BCL2L11: variants seen among roughly 807,000 people sequenced by gnomAD.
The protein encoded by BCL2L11 is bcl-2-like protein 11.
A neutral mutation model predicts 20.6 loss-of-function variants in BCL2L11; 15 were observed. That is an observed-to-expected ratio of 0.73 (90% CI 0.49 to 1.12). The LOEUF (loss-of-function observed/expected upper bound fraction) is 1.12, where lower values mean the gene tolerates loss of function less well. Among genes scored for constraint, BCL2L11 ranks in the 50% most tolerant of loss-of-function variants. The pLI is 0.00. For missense variants in BCL2L11, 292 were observed against 260.9 expected, an observed-to-expected ratio of 1.12 and a Z score of -0.82; for synonymous variants, 108 against 92.8, an observed-to-expected ratio of 1.16 and a Z score of -0.94.
rs5833391 is a variant in BCL2L11, at chr2:111,120,979, T to TGCC, written c.-183_-181dup. On this transcript the variant is annotated 5_prime_UTR_variant, in exon 1 of 4. Coordinates refer to ENST00000393256, the MANE Select transcript of BCL2L11 (RefSeq NM_138621.5). ...GCTCTGCGTCCAGCGCCGCTGCCGCTGCCGCCGCCGCCGCCGCCGCCGCCG... is the reference window on the plus strand; with the variant it reads ...GCTCTGCGTCCAGCGCCGCTGCCGCTGCCGCCGCCGCCGCCGCCGCCGCCGCCG... 7.0e-3 allele frequency: 2,346 copies of TGCC among 335,618 alleles called. 26 individuals carry two copies. The highest frequency in any genetic ancestry group is 0.012 in the East Asian group (192 of 16,342). 20.8% of individuals were successfully genotyped at this position (335,618 alleles called of 1,614,324 possible). A position where few individuals can be genotyped will look rare whatever the true frequency, so the allele number is the denominator to read the frequency against.
rs2150141204 is a variant in BCL2L11, at chr2:111,123,894, G to A, written c.149G>A (p.Gly50Asp). 6.2e-7 allele frequency: 1 copy of A among 1,611,394 alleles called. No homozygotes were observed. Among genetic ancestry groups the A allele is most frequent in the Admixed American group, 1.7e-5 (1 of 59,508 alleles). The change falls in exon 2 of 4, where the codon GGT becomes GAT. Residue 50 changes from glycine (G) to aspartate (D), a missense_variant. Physicochemically the swap from Gly to Asp is moderately conservative, Grantham distance 94 (BLOSUM62 -1). Coordinates refer to ENST00000393256, the MANE Select transcript of BCL2L11 (RefSeq NM_138621.5). ...GGTAATCCTGAAGGCAATCACGGAG[G>A]TGAAGGGGACAGCTGCCCCCACGGC... is the stretch of plus-strand genomic sequence containing the variant. ...PQGNPEGNHG[G>D]EGDSCPHGSP...
chr2:111,143,318 C>T (rs1378527080), intron 2 of BCL2L11, among the ~76,000 whole-genome samples: 1 of 152,122 alleles, frequency 6.6e-6, no homozygotes, highest in Non-Finnish European at 1.5e-5. Flanking sequence ...ACACACTATT[C>T]AGAGCAGCGA....
rs1205858769 is a variant in BCL2L11, at chr2:111,142,285, A to G, written c.395-7759A>G. The G allele has an allele frequency of 1.9e-6, 3 of 1,539,560 alleles. No individual in the cohort carries two copies. In the African/African-American group the frequency reaches 4.1e-5, roughly 21 times the overall value. ...TGTCTGGGAAGACATGGCACAATTTATTTATACAACATTTTTATGGCTTGC... is the reference window on the plus strand; with the variant it reads ...TGTCTGGGAAGACATGGCACAATTTGTTTATACAACATTTTTATGGCTTGC... On this transcript the variant is annotated intron_variant, in intron 2 of 3. Coordinates refer to ENST00000393256, the MANE Select transcript of BCL2L11 (RefSeq NM_138621.5).
chr2:111,134,916 A>G (rs1040163312), intron 2 of BCL2L11, among the ~76,000 whole-genome samples: 2 of 152,204 alleles, frequency 1.3e-5, no homozygotes, highest in African/African-American at 4.8e-5. Context: ...TGTCATTCCT[A>G]TGTGGCTGCT....
chr2:111,150,191 C>T (rs775075260), intron 3 of BCL2L11, 44 bp downstream of exon 3: 1 of 1,596,054 alleles, frequency 6.3e-7, no homozygotes, highest in African/African-American at 1.3e-5. Context: ...ACACCCTCCC[C>T]TTCCACACTA....
At position 111,163,990 on chromosome 2, in the gene BCL2L11, CG is replaced by C. The variant is rs1342600365; in HGVS notation, c.499-142del. 5.1e-6 allele frequency: 3 copies of C among 590,980 alleles called. No individual in the cohort carries two copies. The Admixed American group carries it at 7.8e-5, about 15-fold the overall frequency. 36.6% of individuals were successfully genotyped at this position (590,980 alleles called of 1,614,324 possible). ...TTTCTTCACAATCTCTGGGAGGCAT[CG>C]TGCTTTGTGACACAGTGCTCTTGAA... On this transcript the variant is annotated intron_variant, in intron 3 of 3. Coordinates refer to ENST00000393256, the MANE Select transcript of BCL2L11 (RefSeq NM_138621.5).
intron 3 of BCL2L11, chr2:111,151,909 CTTTGGTTG>C: frequency 6.5e-7 from 1 of 1,531,492 alleles, no homozygotes; most frequent in Non-Finnish European, 8.9e-7. Context: ...TTTTTTGGAA[CTTTGGTTG>C]GTTTTATAAC....
chr2:111,161,780 A>C (rs2078581215), intron 3 of BCL2L11, among the ~76,000 whole-genome samples: 1 of 152,082 alleles, frequency 6.6e-6, no homozygotes, highest in Non-Finnish European at 1.5e-5. Flanking sequence ...ATTCCATCTT[A>C]GGGGGCTTTC....
chr2:111,123,889 C>T lies in BCL2L11; in HGVS notation c.144C>T (p.His48=). 1 of 1,609,840 alleles carries T rather than the reference C, an allele frequency of 6.2e-7. No individual in the cohort carries two copies. The highest frequency in any genetic ancestry group is 8.5e-7 in the Non-Finnish European group (1 of 1,178,058). ...CACAAGGTAATCCTGAAGGCAATCA[C>T]GGAGGTGAAGGGGACAGCTGCCCCC... The part of the protein sequence containing the change: ...TEPQGNPEGN[H]GGEGDSCPHG... Residue 48 remains histidine (H), a synonymous_variant, in exon 2 of 4, where the codon CAC becomes CAT. Transcript: ENST00000393256.
At chr2:111,155,904 G>A (rs1383650079) in intron 3 of BCL2L11, among the ~76,000 whole-genome samples, 1 of 152,244 alleles carries the variant, frequency 6.6e-6, no homozygotes, top group Non-Finnish European at 1.5e-5. Flanking sequence ...CCCTGAATGA[G>A]ACAAAGTAGA....
At chr2:111,130,747 A>T (rs1394091126) in intron 2 of BCL2L11, among the ~76,000 whole-genome samples, 2 of 152,286 alleles carry the variant, frequency 1.3e-5, no homozygotes, top group South Asian at 4.1e-4. Flanking sequence ...TAGGTTTTAT[A>T]TGGGTCGTCT....
At chr2:111,139,249 A>G (rs1423709586) in intron 2 of BCL2L11, among the ~76,000 whole-genome samples, 3 of 152,150 alleles carry the variant, frequency 2.0e-5, no homozygotes, top group East Asian at 1.9e-4. Context: ...TGGGTAAATC[A>G]TGGAGAGACA....
In BCL2L11 at chr2:111,164,348, G is replaced by C. The variant is rs961546852; in HGVS notation, c.*117G>C. 2 of 756,938 alleles carry C rather than the reference G, an allele frequency of 2.6e-6. No homozygotes were observed. The highest frequency in any genetic ancestry group is 2.3e-6 in the Non-Finnish European group (1 of 426,432). The allele number at this position is 756,938 out of a possible 1,614,324, so 46.9% of individuals were successfully genotyped here. A position where few individuals can be genotyped will look rare whatever the true frequency, so the allele number is the denominator to read the frequency against. On this transcript the variant is annotated 3_prime_UTR_variant, in exon 4 of 4. Coordinates refer to ENST00000393256, the MANE Select transcript of BCL2L11 (RefSeq NM_138621.5). ...TGCAGCCAGCGGTTCTCTTGTGGAGGGGGCAGGTGACGTTTCAGAAGACAC... is the reference window on the plus strand; with the variant it reads ...TGCAGCCAGCGGTTCTCTTGTGGAGCGGGCAGGTGACGTTTCAGAAGACAC...
At chr2:111,137,355 T>C (rs1362211129) in intron 2 of BCL2L11, among the ~76,000 whole-genome samples, 1 of 152,180 alleles carries the variant, frequency 6.6e-6, no homozygotes, top group Non-Finnish European at 1.5e-5. Flanking sequence ...AATTAAGTTG[T>C]CTCCATTCCT....
At chr2:111,139,865 A>G (rs2075529537) in intron 2 of BCL2L11, among the ~76,000 whole-genome samples, 1 of 152,246 alleles carries the variant, frequency 6.6e-6, no homozygotes, top group South Asian at 2.1e-4. Context: ...TAGAGTTGCC[A>G]AGACAGGTGT....
chr2:111,131,428 GA>G (rs1440174624), intron 2 of BCL2L11: 1 of 152,012 alleles, frequency 6.6e-6, no homozygotes, highest in African/African-American at 2.4e-5. Context: ...ATTTTTAATG[GA>G]TGCAGGATCT....
intron 3 of BCL2L11, among the ~76,000 whole-genome samples, chr2:111,158,639 T>G (rs1398790073): frequency 3.3e-5 from 5 of 152,020 alleles, no homozygotes; most frequent in Admixed American, 3.3e-4. Context: ...AAGAAACAAG[T>G]TTTTGAGTAA....
intron 3 of BCL2L11, among the ~76,000 whole-genome samples, chr2:111,163,861 CTTTT>C (rs10547953): frequency 2.4e-4 from 25 of 104,706 alleles, no homozygotes; most frequent in East Asian, 1.2e-3. Context: ...TTTTTGAGTG[CTTTT>C]TTTTTTTTTT....
chr2:111,122,454 G>C (rs1387266133), intron 1 of BCL2L11, among the ~76,000 whole-genome samples: 1 of 152,222 alleles, frequency 6.6e-6, no homozygotes, highest in African/African-American at 2.4e-5. Context: ...TCGGAGGCGA[G>C]TTTGTCAACA....
Sources: allele counts gnomAD v4.1 joint callset (sites outside exome capture counted in the v4.1 genomes callset), GRCh38; gene constraint gnomAD v4.1.1; transcripts MANE v1.5; gene names NCBI Gene and HGNC (gene_info 2026-07-23, HGNC 2026-07-21).